MINDY4: variants seen among roughly 807,000 people sequenced by gnomAD.
The protein encoded by MINDY4 is MINDY lysine 48 deubiquitinase 4.
A neutral mutation model predicts 87.0 loss-of-function variants in MINDY4; 68 were observed. The observed-to-expected ratio is 0.78, with a 90% CI of 0.64 to 0.96. MINDY4 has a LOEUF of 0.96. Among genes scored for constraint, MINDY4 ranks in the 40% least tolerant of loss-of-function variants. MINDY4 has a pLI of 0.00. For synonymous variants in MINDY4, 379 were observed against 363.2 expected, an observed-to-expected ratio of 1.04 and a Z score of -0.50; for missense variants, 919 against 928.2, an observed-to-expected ratio of 0.99 and a Z score of 0.13.
chr7:30,836,841 C>A, intron 7 of MINDY4, 77 bp downstream of exon 7: 2 of 1,090,092 alleles, frequency 1.8e-6, no homozygotes, highest in Non-Finnish European at 2.7e-6. Context: ...GGTGTTTCTG[C>A]CCCAATCCAG....
intron 5 of MINDY4, among the ~76,000 whole-genome samples, chr7:30,801,857 C>T (rs1433941806): frequency 2.0e-5 from 3 of 152,142 alleles, no homozygotes; most frequent in South Asian, 2.1e-4. Flanking sequence ...GCCACACATC[C>T]CCCTGGAAGG....
rs370975673 is a variant in MINDY4 at position 30,860,216 on chromosome 7, C to T, written c.1745+892C>T. On this transcript the variant is annotated intron_variant, in intron 13 of 17. Coordinates refer to ENST00000265299, the MANE Select transcript of MINDY4 (RefSeq NM_032222.3). ...TGAGTAGCCTTGTGGTGCCCAGGGG[C>T]GGGAGGTCACAGCAGGAGACACTTC... Among the ~76,000 whole-genome samples the T allele has an allele frequency of 6.9e-4, 105 of 152,020 alleles. 1 individual carries two copies. The highest frequency in any genetic ancestry group is 2.2e-3 in the African/African-American group (92 of 41,468).
chr7:30,842,043 C>T (rs759219809), intron 9 of MINDY4, among the ~76,000 whole-genome samples: 18 of 152,192 alleles, frequency 1.2e-4, no homozygotes, highest in African/African-American at 1.7e-4. Flanking sequence ...CACATTTCAC[C>T]AGCACGGATG....
chr7:30,827,029 T>A (rs1788536176), intron 5 of MINDY4, among the ~76,000 whole-genome samples: 1 of 152,116 alleles, frequency 6.6e-6, no homozygotes, highest in South Asian at 2.1e-4. Context: ...TATAAAGATG[T>A]CAGGGGCCAA....
chr7:30,816,021 A>G (rs1449272688), intron 5 of MINDY4, among the ~76,000 whole-genome samples: 1 of 152,070 alleles, frequency 6.6e-6, no homozygotes, highest in Non-Finnish European at 1.5e-5. Flanking sequence ...GCCTTGGGAA[A>G]GCTCTGTCCT....
At chr7:30,824,715 AG>A (rs36065240) in intron 5 of MINDY4, among the ~76,000 whole-genome samples, 1,782 of 152,236 alleles carry the variant, frequency 0.012, 37 homozygotes, top group African/African-American at 0.041. Context: ...CTGGGATTAC[AG>A]GTGCGTGACA....
At chr7:30,818,359 A>C (rs1788227207) in intron 5 of MINDY4, among the ~76,000 whole-genome samples, 1 of 152,178 alleles carries the variant, frequency 6.6e-6, no homozygotes, top group Admixed American at 6.5e-5. Context: ...TTAGATTTTT[A>C]GAATCAAGGT....
intron 6 of MINDY4, among the ~76,000 whole-genome samples, chr7:30,832,751 A>G (rs1788743075): frequency 6.6e-6 from 1 of 151,962 alleles, no homozygotes; most frequent in Non-Finnish European, 1.5e-5. Flanking sequence ...CAGGTGATCC[A>G]CCCACCTTGG....
At chr7:30,817,149 A>G (rs1214544470) in intron 5 of MINDY4, among the ~76,000 whole-genome samples, 1 of 152,140 alleles carries the variant, frequency 6.6e-6, no homozygotes, top group Non-Finnish European at 1.5e-5. Context: ...GAAGACACTG[A>G]AGAACTCCCA....
In MINDY4 at chr7:30,859,164, G is replaced by A. The variant is rs756467424; in HGVS notation, c.1678-93G>A. The stretch of plus-strand genomic sequence containing the variant: ...GCTGGAGGCAGTTGGCTCAGGGCAG[G>A]CTGCTCCCTGGGGTGTGGCTCCCAC... On this transcript the variant is annotated intron_variant, in intron 12 of 17. Transcript: ENST00000265299. 11 of 1,303,282 alleles carry A rather than the reference G, an allele frequency of 8.4e-6. No homozygotes were observed. In the South Asian group the frequency reaches 1.1e-4, roughly 13 times the overall value. 80.7% of individuals were successfully genotyped at this position (1,303,282 alleles called of 1,614,324 possible). A position where few individuals can be genotyped will look rare whatever the true frequency, so the allele number is the denominator to read the frequency against.
At chr7:30,798,458 GTC>G (rs1264256652) in intron 5 of MINDY4, among the ~76,000 whole-genome samples, 3 of 152,080 alleles carry the variant, frequency 2.0e-5, no homozygotes, top group Admixed American at 2.0e-4. Flanking sequence ...TTAGGTCATG[GTC>G]ATTGGGCCAT....
At chr7:30,784,605 A>G (rs1156364138) in intron 3 of MINDY4, among the ~76,000 whole-genome samples, 1 of 152,228 alleles carries the variant, frequency 6.6e-6, no homozygotes, top group Non-Finnish European at 1.5e-5. Context: ...CTTAGAATAC[A>G]AGCCCCGGCT....
intron 5 of MINDY4, among the ~76,000 whole-genome samples, chr7:30,821,657 A>G (rs997160194): frequency 1.3e-5 from 2 of 152,222 alleles, no homozygotes; most frequent in Middle Eastern, 3.4e-3. Flanking sequence ...CCCTTCCTAA[A>G]TTCTCTTTAT....
At chr7:30,840,520 C>T (rs894389430) in intron 8 of MINDY4, among the ~76,000 whole-genome samples, 1 of 152,208 alleles carries the variant, frequency 6.6e-6, no homozygotes, top group Non-Finnish European at 1.5e-5. Context: ...AGTCACTTTC[C>T]TCCCATGACA....
chr7:30,804,887 G>A (rs901177001), intron 5 of MINDY4, among the ~76,000 whole-genome samples: 4 of 152,176 alleles, frequency 2.6e-5, no homozygotes, highest in Non-Finnish European at 5.9e-5. Flanking sequence ...AGTTCAGAGA[G>A]TGGAAGAATC....
At chr7:30,890,493 G>T (rs956292469) in intron 17 of MINDY4, among the ~76,000 whole-genome samples, 1 of 152,180 alleles carries the variant, frequency 6.6e-6, no homozygotes, top group Non-Finnish European at 1.5e-5. Context: ...TTGCCATTAA[G>T]ATTTTTTTCT....
chr7:30,872,331 G>A (rs1790131960), intron 14 of MINDY4, 25 bp downstream of exon 14: 2 of 1,610,742 alleles, frequency 1.2e-6, no homozygotes, highest in South Asian at 1.1e-5. Context: ...TGGGGCCCAG[G>A]TGGTCCTTCC....
At chr7:30,862,935 A>T (rs1252383909) in intron 13 of MINDY4, among the ~76,000 whole-genome samples, 1 of 152,224 alleles carries the variant, frequency 6.6e-6, no homozygotes, top group Non-Finnish European at 1.5e-5. Context: ...TGTGTGAAGC[A>T]GATGCAGCGG....
At chr7:30,873,744 A>G (rs739979) in intron 14 of MINDY4, among the ~76,000 whole-genome samples, 32,502 of 152,158 alleles carry the variant, frequency 0.21, 6,732 homozygotes, top group African/African-American at 0.54. Flanking sequence ...GATTTTAGAC[A>G]CAGATCAGGG....
Sources: allele counts gnomAD v4.1 joint callset (sites outside exome capture counted in the v4.1 genomes callset), GRCh38; gene constraint gnomAD v4.1.1; transcripts MANE v1.5; gene names NCBI Gene and HGNC (gene_info 2026-07-23, HGNC 2026-07-21).